The following EVI5L variants were observed in gnomAD, a reference collection of about 807,000 sequenced individuals.
EVI5L encodes the protein EVI5-like protein.
EVI5L carries 30 observed loss-of-function variants against 106.1 expected under a neutral mutation model. The observed-to-expected ratio is 0.28, with a 90% CI of 0.21 to 0.38. EVI5L has a LOEUF of 0.38. Among genes scored for constraint, EVI5L ranks in the 10% least tolerant of loss-of-function variants. The pLI is 1.00. For synonymous variants in EVI5L, 489 were observed against 483.3 expected (o/e 1.01, Z -0.15); for missense variants, 809 against 1,098.0 (o/e 0.74, Z 3.72).
At chr19:7,840,325 A>T (rs1387335690) in intron 1 of EVI5L, among the ~76,000 whole-genome samples, 1 of 152,174 alleles carries the variant, frequency 6.6e-6, no homozygotes, top group East Asian at 1.9e-4. Context: ...CTAAAAATAC[A>T]AAATTAGCCA....
chr19:7,837,927 C>T (rs1464779251), intron 1 of EVI5L, among the ~76,000 whole-genome samples: 1 of 150,876 alleles, frequency 6.6e-6, no homozygotes, highest in Non-Finnish European at 1.5e-5. Flanking sequence ...GGTCTCGAAC[C>T]CCTGACCTCA....
At chr19:7,861,526 A>C (rs540880060) in intron 14 of EVI5L, among the ~76,000 whole-genome samples, 27 of 152,360 alleles carry the variant, frequency 1.8e-4, no homozygotes, top group Admixed American at 1.8e-3. Flanking sequence ...TGGGGGCCAG[A>C]GGGCAGACAG....
rs747912192 is a variant in EVI5L at position 7,862,364 on chromosome 19, GTCCTCCCT to G, written c.1801-15_1801-8del. On this transcript the variant is annotated splice_polypyrimidine_tract_variant and intron_variant, in intron 16 of 19. Coordinates refer to ENST00000538904, the MANE Select transcript of EVI5L (RefSeq NM_001159944.3). ...TAGGCCCTGACCGCCGCCGTCCTCC[GTCCTCCCT>G]TCCTCCCTATCCCAGGACCACATCC... 9 of 1,587,102 alleles carry G rather than the reference GTCCTCCCT, an allele frequency of 5.7e-6. No individual in the cohort carries two copies. Among genetic ancestry groups the G allele is most frequent in the Admixed American group, 1.7e-5 (1 of 57,396 alleles).
intron 1 of EVI5L, among the ~76,000 whole-genome samples, chr19:7,842,901 A>T (rs1978708620): frequency 6.6e-6 from 1 of 150,466 alleles, no homozygotes; most frequent in Non-Finnish European, 1.5e-5. Flanking sequence ...GTGTGTATTG[A>T]GTGTGTGCAT....
At chr19:7,834,847 C>T (rs1046514774) in intron 1 of EVI5L, among the ~76,000 whole-genome samples, 3 of 152,154 alleles carry the variant, frequency 2.0e-5, no homozygotes, top group African/African-American at 7.2e-5. Context: ...TGAGGCAGGC[C>T]AGGTGCAGTG....
chr19:7,836,003 G>A (rs937799302), intron 1 of EVI5L, among the ~76,000 whole-genome samples: 7 of 152,122 alleles, frequency 4.6e-5, no homozygotes, highest in African/African-American at 1.4e-4. Context: ...TTGGGAGGCC[G>A]AGGCGGGAGG....
chr19:7,832,027 C>T (rs1035407469), intron 1 of EVI5L, among the ~76,000 whole-genome samples: 2 of 152,226 alleles, frequency 1.3e-5, no homozygotes, highest in African/African-American at 4.8e-5. Context: ...TTGTCTGCTT[C>T]GTTTTATTCC....
rs540081954 is a variant in EVI5L at position 7,864,692 on chromosome 19, C to G, written c.*990C>G. 4 of 152,378 alleles carry G rather than the reference C, an allele frequency of 2.6e-5. No homozygotes were observed. The highest frequency in any genetic ancestry group is 3.9e-4 in the East Asian group (2 of 5,136). The allele number at this position is 152,378 out of a possible 1,614,324, so 9.4% of individuals were successfully genotyped here. ...CAGGCCCCTTCCTCCCTTCCCCCGGCCCCCCGGGCCTCATGACCCTGGGGG... is the reference window on the plus strand; with the variant it reads ...CAGGCCCCTTCCTCCCTTCCCCCGGGCCCCCGGGCCTCATGACCCTGGGGG... On this transcript the variant is annotated 3_prime_UTR_variant, in exon 20 of 20. Transcript: ENST00000538904. This position sits in a 1 kb window ranked among gnomAD's most constrained non-coding sequence, Gnocchi z 4.5.
intron 5 of EVI5L, 109 bp downstream of exon 5, chr19:7,849,439 G>A: frequency 8.4e-7 from 1 of 1,196,948 alleles, no homozygotes; most frequent in Non-Finnish European, 1.2e-6. Flanking sequence ...GTCTTGCTAG[G>A]GGTAGATCCT....
Position 7,863,829 on chromosome 19 carries a change from A to G in EVI5L, c.*127A>G, listed in dbSNP as rs1027855541. 1.5e-6 allele frequency: 2 copies of G among 1,317,002 alleles called. No individual in the cohort carries two copies. The highest frequency in any genetic ancestry group is 3.1e-5 in the African/African-American group (2 of 64,366). The allele number at this position is 1,317,002 out of a possible 1,614,324, so 81.6% of individuals were successfully genotyped here. A position where few individuals can be genotyped will look rare whatever the true frequency, so the allele number is the denominator to read the frequency against. On this transcript the variant is annotated 3_prime_UTR_variant, in exon 20 of 20. Transcript: ENST00000538904. The surrounding 1 kb of genome is among the most constrained non-coding windows in gnomAD (Gnocchi z 7.7). ...CCCTCTGTGGCTCGGCCACCCCTAA[A>G]GCGAGGCCCGGCGAGGCAGCGCAGA...
At chr19:7,846,359 C>A (rs372658322) in intron 1 of EVI5L, 137 bp from the exon 2 acceptor site, 5 of 701,106 alleles carry the variant, frequency 7.1e-6, no homozygotes, top group Non-Finnish European at 4.5e-6. Flanking sequence ...TGGGCTGGGG[C>A]GCATGGGGAT....
chr19:7,846,467 T>C, intron 1 of EVI5L, 29 bp from the exon 2 acceptor site: 1 of 1,520,042 alleles, frequency 6.6e-7, no homozygotes, highest in Non-Finnish European at 8.8e-7. Flanking sequence ...TCCCACCCAA[T>C]GCCGACCACG....
In EVI5L at chr19:7,856,969, C is replaced by A; in HGVS notation, c.1201-123C>A. On this transcript the variant is annotated intron_variant, in intron 11 of 19. Transcript: ENST00000538904. This position sits in a 1 kb window ranked among gnomAD's most constrained non-coding sequence, Gnocchi z 6.6. ...TCTCTGGTCTTCCCTCCTCTCTCCC[C>A]CGCTTCTAGAGATAGTCCACTGCGT... 1 of 1,009,986 alleles carries A rather than the reference C, an allele frequency of 9.9e-7. No homozygotes were observed. The highest frequency in any genetic ancestry group is 1.5e-6 in the Non-Finnish European group (1 of 657,770). The allele number at this position is 1,009,986 out of a possible 1,614,324, so 62.6% of individuals were successfully genotyped here.
At chr19:7,843,071 G>C (rs564928583) in intron 1 of EVI5L, among the ~76,000 whole-genome samples, 42 of 151,158 alleles carry the variant, frequency 2.8e-4, no homozygotes, top group African/African-American at 1.0e-3. Context: ...GTATGTGCAT[G>C]TGTGTGTATA....
rs1236444076 is a variant in EVI5L, at chr19:7,846,099, CAG to C, written c.-47-396_-47-395del. Among the ~76,000 whole-genome samples, 7 of 152,174 alleles carry C rather than the reference CAG, an allele frequency of 4.6e-5. 1 individual carries two copies. In the South Asian group the frequency reaches 1.5e-3, roughly 32 times the overall value. Reference sequence around the variant, plus strand: ...AAGCTATTAGGAAGGGCCAGAAAAGCAGGGGGCTCCTGCACCCCGAGGTCCCA... The same window carrying C: ...AAGCTATTAGGAAGGGCCAGAAAAGCGGGGCTCCTGCACCCCGAGGTCCCA... On this transcript the variant is annotated intron_variant, in intron 1 of 19. Transcript: ENST00000538904.
chr19:7,851,406 G>T (rs766453692), intron 6 of EVI5L, 28 bp from the exon 7 acceptor site: 5 of 1,600,068 alleles, frequency 3.1e-6, no homozygotes, highest in Non-Finnish European at 4.3e-6. Context: ...CCCCCTCACT[G>T]TGCCCACCCG....
Position 7,864,072 on chromosome 19 carries a change from T to G in EVI5L, c.*370T>G. On this transcript the variant is annotated 3_prime_UTR_variant, in exon 20 of 20. Transcript: ENST00000538904. This position sits in a 1 kb window ranked among gnomAD's most constrained non-coding sequence, Gnocchi z 4.5. ...AGGCAGCTCCCACCTCCTGGCAGGCTTCCTTCTGGGACAGGGGCGACATTG... is the reference window on the plus strand; with the variant it reads ...AGGCAGCTCCCACCTCCTGGCAGGCGTCCTTCTGGGACAGGGGCGACATTG... 1 of 233,886 alleles carries G rather than the reference T, an allele frequency of 4.3e-6. No homozygotes were observed. The allele number at this position is 233,886 out of a possible 1,614,324, so 14.5% of individuals were successfully genotyped here. A position where few individuals can be genotyped will look rare whatever the true frequency, so the allele number is the denominator to read the frequency against.
chr19:7,839,246 TGAGCCGAGATC>T (rs1978489045), intron 1 of EVI5L, among the ~76,000 whole-genome samples: 1 of 150,948 alleles, frequency 6.6e-6, no homozygotes, highest in South Asian at 2.1e-4. Context: ...GAGCTTGCAG[TGAGCCGAGATC>T]GCGCCACTGC....
intron 1 of EVI5L, among the ~76,000 whole-genome samples, chr19:7,837,475 A>T (rs544317584): frequency 6.6e-6 from 1 of 152,276 alleles, no homozygotes; most frequent in East Asian, 1.9e-4. Context: ...TTCATATGAT[A>T]CATTTGTTGT....
Sources: gnomAD v4.1 joint callset for allele counts (sites outside exome capture counted in the v4.1 genomes callset) on GRCh38, gnomAD v4.1.1 for gene constraint, Gnocchi (gnomAD v3.1) non-coding constraint, MANE v1.5 for transcripts, NCBI Gene and HGNC (gene_info 2026-07-23, HGNC 2026-07-21) for gene names.